Variants in NEK1 observed in about 807,000 individuals in gnomAD.
NEK1 encodes serine/threonine-protein kinase Nek1.
A neutral mutation model predicts 182.1 loss-of-function variants in NEK1; 137 were observed. The ratio of observed to expected loss-of-function variants is 0.75; its 90% confidence interval spans 0.65 to 0.87. The LOEUF is 0.87. NEK1 is among the 40% of genes least tolerant of loss of function. The pLI is 0.00. For synonymous variants in NEK1, 513 were observed against 492.2 expected, an observed-to-expected ratio of 1.04 and a Z score of -0.56; for missense variants, 1,391 against 1,494.4, an observed-to-expected ratio of 0.93 and a Z score of 1.14.
intron 9 of NEK1, among the ~76,000 whole-genome samples, chr4:169,587,174 GAAATTCTT>G (rs757269281): frequency 1.6e-4 from 24 of 151,904 alleles, no homozygotes; most frequent in Non-Finnish European, 1.3e-4. Flanking sequence ...TATATGGAAT[GAAATTCTT>G]TAAATTAGTT....
In NEK1 at chr4:169,416,286, A is replaced by C. The variant is rs1341299086; in HGVS notation, c.3222+8267T>G. ...CTTTCTTTGTTCTAGGACAGACTTA[A>C]TCATTTCCTCTTTAGTGGTCCCACT... On this transcript the variant is annotated intron_variant, in intron 31 of 35. Coordinates refer to ENST00000507142, the MANE Select transcript of NEK1 (RefSeq NM_001199397.3). Among the ~76,000 whole-genome samples, 3 of 152,200 alleles carry C rather than the reference A, an allele frequency of 2.0e-5. No individual in the cohort carries two copies. In the East Asian group the frequency reaches 5.8e-4, roughly 29 times the overall value.
rs544533579 is a variant in NEK1, at chr4:169,396,527, A to C, written c.3848-2004T>G. On this transcript the variant is annotated intron_variant, in intron 35 of 35. Coordinates refer to ENST00000507142, the MANE Select transcript of NEK1 (RefSeq NM_001199397.3). Reference sequence around the variant, plus strand: ...GAAGAATTTATTAGGAATACTATCAAATCGCTTACACATTTTATTAGCTCT... The same window carrying C: ...GAAGAATTTATTAGGAATACTATCACATCGCTTACACATTTTATTAGCTCT... 3.3e-5 allele frequency among the ~76,000 whole-genome samples: 5 copies of C among 152,234 alleles called. No individual in the cohort carries two copies. In the South Asian group the frequency reaches 1.0e-3, roughly 32 times the overall value.
At chr4:169,550,832 C>G (rs867812284) in intron 18 of NEK1, among the ~76,000 whole-genome samples, 1 of 152,288 alleles carries the variant, frequency 6.6e-6, no homozygotes, top group Middle Eastern at 3.4e-3. Flanking sequence ...CAGCACTATG[C>G]TTTTGGGCCA....
chr4:169,537,876 T>C lies in NEK1; in HGVS notation c.1598A>G (p.Gln533Arg). Residue 533 changes from glutamine (Q) to arginine (R), a missense_variant, in exon 19 of 36, where the codon CAA (glutamine) becomes CGA (arginine). This residue lies in a region of NEK1 where 1,216 missense variants were observed against 1,277.6 expected (regional missense o/e 0.95). Coordinates refer to ENST00000507142, the MANE Select transcript of NEK1 (RefSeq NM_001199397.3). ...KGQLAVERAK[Q>R]VEEFLQRKRE... is the part of the protein sequence containing the mutation. ...TTTTCGCTGCAGGAACTCTTCTACT[T>C]GTTTAGCTCTTTCTACAGCTAGCTG... 1 of 1,609,176 alleles carries C rather than the reference T, an allele frequency of 6.2e-7. No individual in the cohort carries two copies. Among genetic ancestry groups the C allele is most frequent in the Non-Finnish European group, 8.5e-7 (1 of 1,177,342 alleles).
At chr4:169,503,641 T>C (rs192983814) in intron 23 of NEK1, among the ~76,000 whole-genome samples, 37 of 152,222 alleles carry the variant, frequency 2.4e-4, no homozygotes, top group Admixed American at 1.4e-3. Flanking sequence ...CTTCAATAAA[T>C]GGTGCTGGGA....
chr4:169,418,879 G>C (rs1034721721), intron 31 of NEK1, among the ~76,000 whole-genome samples: 7 of 151,790 alleles, frequency 4.6e-5, no homozygotes, highest in Admixed American at 2.0e-4. Context: ...TAAACCTAAG[G>C]GTCCAAGAAG....
chr4:169,533,543 C>G (rs568870439), intron 19 of NEK1, among the ~76,000 whole-genome samples: 3 of 152,222 alleles, frequency 2.0e-5, no homozygotes, highest in African/African-American at 7.2e-5. Flanking sequence ...TTATATACTA[C>G]CAGCGAAATG....
At chr4:169,470,256 C>T (rs1352820993) in intron 26 of NEK1, among the ~76,000 whole-genome samples, 5 of 152,036 alleles carry the variant, frequency 3.3e-5, no homozygotes, top group East Asian at 1.9e-4. Flanking sequence ...GCTTTTGCAG[C>T]GGCTGGTACT....
chr4:169,588,038 T>C (rs1313266450), intron 8 of NEK1, among the ~76,000 whole-genome samples: 1 of 152,088 alleles, frequency 6.6e-6, no homozygotes, highest in Non-Finnish European at 1.5e-5. Flanking sequence ...GATTTTCCAA[T>C]TAGAGAGAGA....
intron 18 of NEK1, 156 bp downstream of exon 18, chr4:169,555,564 C>A (rs2149907503): frequency 2.3e-6 from 2 of 875,342 alleles, no homozygotes; most frequent in Middle Eastern, 3.4e-4. Flanking sequence ...TAATCAAGGG[C>A]CAAATTTGCA....
At chr4:169,449,335 A>G (rs1271387874) in intron 27 of NEK1, among the ~76,000 whole-genome samples, 1 of 152,230 alleles carries the variant, frequency 6.6e-6, no homozygotes, top group Non-Finnish European at 1.5e-5. Flanking sequence ...GAGCTCTGAG[A>G]AAAGATAGAC....
At chr4:169,544,155 C>T (rs1759951897) in intron 18 of NEK1, among the ~76,000 whole-genome samples, 1 of 151,762 alleles carries the variant, frequency 6.6e-6, no homozygotes, top group Non-Finnish European at 1.5e-5. Flanking sequence ...TCCATCAATG[C>T]CTAGTTATTA....
chr4:169,547,052 C>A (rs1344910783), intron 18 of NEK1, among the ~76,000 whole-genome samples: 2 of 152,176 alleles, frequency 1.3e-5, no homozygotes, highest in Admixed American at 6.5e-5. Context: ...TTAGTTGATG[C>A]AGTTTCTTCA....
intron 23 of NEK1, 48 bp downstream of exon 23, chr4:169,506,989 A>T: frequency 7.6e-7 from 1 of 1,314,616 alleles, no homozygotes; most frequent in Non-Finnish European, 1.1e-6. Context: ...AGGAAGAGCT[A>T]TAAAAATGTT....
chr4:169,472,636 C>T (rs143517201), intron 26 of NEK1, among the ~76,000 whole-genome samples: 3 of 152,360 alleles, frequency 2.0e-5, no homozygotes, highest in South Asian at 4.1e-4. Flanking sequence ...TGCCTCCATG[C>T]ATCCTTTCAC....
chr4:169,392,954 C>T lies in NEK1; in HGVS notation c.*1556G>A, dbSNP rs1234515756. The T allele has an allele frequency of 2.6e-5, 4 of 152,162 alleles. No individual in the cohort carries two copies. The highest frequency in any genetic ancestry group is 7.2e-5 in the African/African-American group (3 of 41,434). The allele number at this position is 152,162 out of a possible 1,614,324, so 9.4% of individuals were successfully genotyped here. A position where few individuals can be genotyped will look rare whatever the true frequency, so the allele number is the denominator to read the frequency against. ...CACTCCAGAGTCACACACTGCTAAT[C>T]GACTGGAGATGGCACAAATCTTATT... On this transcript the variant is annotated 3_prime_UTR_variant, in exon 36 of 36. Coordinates refer to ENST00000507142, the MANE Select transcript of NEK1 (RefSeq NM_001199397.3).
At chr4:169,592,920 T>C (rs1581026929) in intron 5 of NEK1, among the ~76,000 whole-genome samples, 3 of 152,154 alleles carry the variant, frequency 2.0e-5, no homozygotes, top group Admixed American at 6.5e-5. Context: ...CAGCAATTAA[T>C]TCAACAAGGG....
intron 32 of NEK1, among the ~76,000 whole-genome samples, chr4:169,402,083 T>G (rs1240589491): frequency 6.6e-6 from 1 of 152,180 alleles, no homozygotes; most frequent in Non-Finnish European, 1.5e-5. Flanking sequence ...CAACACATAT[T>G]CTGGAATATA....
chr4:169,511,992 T>C (rs1754267510), intron 19 of NEK1, among the ~76,000 whole-genome samples: 1 of 152,168 alleles, frequency 6.6e-6, no homozygotes. Context: ...AGTGTTATGA[T>C]ACAGTCTTTT....
Sources: gnomAD v4.1 joint callset for allele counts (sites outside exome capture counted in the v4.1 genomes callset) on GRCh38, gnomAD v4.1.1 for gene constraint, gnomAD v4.1.1 regional missense constraint, MANE v1.5 for transcripts, NCBI Gene and HGNC (gene_info 2026-07-23, HGNC 2026-07-21) for gene names.